The following PARD3 variants were observed in gnomAD, a reference collection of about 807,000 sequenced individuals.
PARD3 encodes partitioning defective 3 homolog.
A neutral mutation model predicts 155.4 loss-of-function variants in PARD3; 75 were observed. The observed-to-expected ratio is 0.48, with a 90% CI of 0.40 to 0.58. The LOEUF is 0.58. PARD3 is among the 20% of genes least tolerant of loss of function. The probability of loss-of-function intolerance (pLI) is 0.00; values close to 1 mark genes in which losing one functional copy is unlikely to be tolerated. For missense variants in PARD3, 1,642 were observed against 1,721.7 expected (o/e 0.95, Z 0.82); for synonymous variants, 576 against 610.5 (o/e 0.94, Z 0.83).
intron 15 of PARD3, among the ~76,000 whole-genome samples, chr10:34,347,070 A>G (rs1173462325): frequency 2.0e-5 from 3 of 152,246 alleles, no homozygotes; most frequent in Non-Finnish European, 2.9e-5. Context: ...TCCATAATGG[A>G]AACTTGAATT....
intron 1 of PARD3, among the ~76,000 whole-genome samples, chr10:34,814,368 A>G (rs1309519464): frequency 6.6e-6 from 1 of 150,622 alleles, no homozygotes; most frequent in East Asian, 2.0e-4. Context: ...CCCCCGCCCG[A>G]GTAAGGGAGA....
At chr10:34,625,568 G>A (rs550989325) in intron 2 of PARD3, among the ~76,000 whole-genome samples, 1 of 152,266 alleles carries the variant, frequency 6.6e-6, no homozygotes, top group Non-Finnish European at 1.5e-5. Context: ...CTGAGTGGAG[G>A]GTTTTCGACT....
chr10:34,485,609 A>C (rs1298127161), intron 3 of PARD3, among the ~76,000 whole-genome samples: 3 of 152,180 alleles, frequency 2.0e-5, no homozygotes, highest in Non-Finnish European at 2.9e-5. Flanking sequence ...TATTATCTAA[A>C]GATCTGGAAT....
At chr10:34,704,600 C>A (rs1398454438) in intron 1 of PARD3, among the ~76,000 whole-genome samples, 1 of 152,084 alleles carries the variant, frequency 6.6e-6, no homozygotes, top group Non-Finnish European at 1.5e-5. Flanking sequence ...ACGAGATAAG[C>A]AATTTACATA....
chr10:34,711,765 A>G (rs936782524), intron 1 of PARD3, among the ~76,000 whole-genome samples: 3 of 152,144 alleles, frequency 2.0e-5, no homozygotes, highest in African/African-American at 7.2e-5. Flanking sequence ...TATAATCAAC[A>G]AACACAGGCC....
chr10:34,425,233 T>G (rs1051920257), intron 5 of PARD3, among the ~76,000 whole-genome samples: 4 of 152,152 alleles, frequency 2.6e-5, no homozygotes, highest in African/African-American at 9.7e-5. Flanking sequence ...CTTTAATGAA[T>G]GAAACATTCA....
At chr10:34,438,255 A>AT (rs1308150771) in intron 5 of PARD3, among the ~76,000 whole-genome samples, 3 of 152,232 alleles carry the variant, frequency 2.0e-5, no homozygotes, top group African/African-American at 7.2e-5. Context: ...TCATATCAAG[A>AT]TTTAAAAAAA....
chr10:34,637,819 C>A (rs1161465147), intron 2 of PARD3, among the ~76,000 whole-genome samples: 2 of 152,188 alleles, frequency 1.3e-5, no homozygotes, highest in African/African-American at 4.8e-5. Flanking sequence ...AAGAGAAAAA[C>A]CAAGTGATCT....
At chr10:34,714,296 T>A (rs1283656515) in intron 1 of PARD3, among the ~76,000 whole-genome samples, 1 of 152,154 alleles carries the variant, frequency 6.6e-6, no homozygotes. Flanking sequence ...CCCAACTGCA[T>A]CAGAAGAAAT....
chr10:34,346,711 G>A (rs1837469199), intron 15 of PARD3, among the ~76,000 whole-genome samples: 2 of 152,184 alleles, frequency 1.3e-5, no homozygotes, highest in African/African-American at 4.8e-5. Flanking sequence ...AACAGGTGTG[G>A]CACTCTTCCC....
intron 2 of PARD3, among the ~76,000 whole-genome samples, chr10:34,537,588 A>G (rs564549516): frequency 6.6e-6 from 1 of 152,280 alleles, no homozygotes; most frequent in South Asian, 2.1e-4. Context: ...AACCACAGAA[A>G]TTACTGGAAA....
intron 22 of PARD3, among the ~76,000 whole-genome samples, chr10:34,138,953 A>C: frequency 7.4e-6 from 1 of 135,070 alleles, no homozygotes; most frequent in Middle Eastern, 3.7e-3. Flanking sequence ...ATAATGCAAT[A>C]CCACACTCCA....
chr10:34,406,978 A>C (rs1277837290), intron 5 of PARD3, among the ~76,000 whole-genome samples: 1 of 152,212 alleles, frequency 6.6e-6, no homozygotes, highest in African/African-American at 2.4e-5. Flanking sequence ...AGAAACCAGA[A>C]GCAGTATAAA....
intron 22 of PARD3, among the ~76,000 whole-genome samples, chr10:34,172,752 A>AC (rs200410853): frequency 5.0e-5 from 5 of 99,664 alleles, no homozygotes; most frequent in East Asian, 2.5e-4. Context: ...AAAACAACAA[A>AC]AAAAAAAACA....
chr10:34,798,147 C>A (rs1223800156), intron 1 of PARD3, among the ~76,000 whole-genome samples: 1 of 142,568 alleles, frequency 7.0e-6, no homozygotes, highest in Non-Finnish European at 1.5e-5. Context: ...TAGCAAGAAC[C>A]CATCTCTACA....
chr10:34,674,770 A>G (rs1442126830), intron 2 of PARD3, among the ~76,000 whole-genome samples: 1 of 152,104 alleles, frequency 6.6e-6, no homozygotes, highest in South Asian at 2.1e-4. Flanking sequence ...TACAGGCGTG[A>G]GCCACCGTGC....
intron 19 of PARD3, among the ~76,000 whole-genome samples, chr10:34,327,298 G>C (rs1835127769): frequency 6.6e-6 from 1 of 152,172 alleles, no homozygotes; most frequent in South Asian, 2.1e-4. Context: ...ACACAACATG[G>C]AGAGGCCAGA....
rs768139501 is a variant in PARD3 at position 34,263,932 on chromosome 10, T to C, written c.3419+5725A>G. Among the ~76,000 whole-genome samples, 126 of 152,196 alleles carry C rather than the reference T, an allele frequency of 8.3e-4. 1 individual carries two copies. Among genetic ancestry groups the C allele is most frequent in the Admixed American group, 3.4e-3 (52 of 15,276 alleles). ...GCTCATTACTTAATTTCACAAAATA[T>C]TGTGGAAATTATTTGACCAGGGGAT... On this transcript the variant is annotated intron_variant, in intron 22 of 24. Transcript: ENST00000374788.
At chr10:34,715,158 G>A (rs2094501905) in intron 1 of PARD3, among the ~76,000 whole-genome samples, 2 of 150,650 alleles carry the variant, frequency 1.3e-5, no homozygotes, top group African/African-American at 4.9e-5. Context: ...GCTCACTGCA[G>A]CCTTGAACTC....
Sources: allele counts gnomAD v4.1 joint callset (sites outside exome capture counted in the v4.1 genomes callset), GRCh38; gene constraint gnomAD v4.1.1; transcripts MANE v1.5; gene names NCBI Gene and HGNC (gene_info 2026-07-23, HGNC 2026-07-21).